Variants in AP3B1 observed in about 807,000 individuals in gnomAD.
The protein encoded by AP3B1 is adaptor related protein complex 3 subunit beta 1, also known as AP-3 complex subunit beta-1.
AP3B1 carries 61 observed loss-of-function variants against 132.5 expected under a neutral mutation model. The ratio of observed to expected loss-of-function variants is 0.46; its 90% CI spans 0.37 to 0.57. The LOEUF is 0.57. Ranked by LOEUF, AP3B1 falls within the 20% of genes least tolerant of loss-of-function variation. The pLI is 0.00. For synonymous variants in AP3B1, 388 were observed against 438.3 expected (o/e 0.89, Z 1.43); for missense variants, 1,120 against 1,289.4 (o/e 0.87, Z 2.01).
At chr5:78,198,738 T>C (rs1745170767) in intron 7 of AP3B1, among the ~76,000 whole-genome samples, 1 of 152,180 alleles carries the variant, frequency 6.6e-6, no homozygotes, top group Admixed American at 6.6e-5. Flanking sequence ...TCTCTGACAT[T>C]AGGTTAGATG....
chr5:78,060,789 C>A (rs973039475), intron 22 of AP3B1, among the ~76,000 whole-genome samples: 36 of 152,022 alleles, frequency 2.4e-4, no homozygotes, highest in African/African-American at 8.2e-4. Context: ...AAAAATCTTT[C>A]ATCACAAGTA....
intron 21 of AP3B1, among the ~76,000 whole-genome samples, chr5:78,097,915 T>C (rs975552866): frequency 6.6e-6 from 1 of 152,124 alleles, no homozygotes; most frequent in African/African-American, 2.4e-5. Flanking sequence ...TGGGAGACTT[T>C]TCATTTTGTT....
intron 22 of AP3B1, among the ~76,000 whole-genome samples, chr5:78,077,015 C>T (rs534591291): frequency 4.6e-5 from 7 of 152,164 alleles, no homozygotes; most frequent in South Asian, 2.1e-4. Context: ...TTGGGAAATC[C>T]GTAAAGTTAC....
intron 1 of AP3B1, among the ~76,000 whole-genome samples, chr5:78,268,420 G>A (rs1055021581): frequency 3.3e-5 from 5 of 152,004 alleles, no homozygotes; most frequent in East Asian, 1.9e-4. Context: ...AAAAGAATTC[G>A]ATAGGAACTA....
chr5:78,060,817 T>C (rs1749017690), intron 22 of AP3B1, among the ~76,000 whole-genome samples: 1 of 152,076 alleles, frequency 6.6e-6, no homozygotes, highest in Non-Finnish European at 1.5e-5. Context: ...CCCTAAAGTT[T>C]TACTAGAAAG....
At chr5:78,118,567 T>C (rs761187411) in intron 17 of AP3B1, among the ~76,000 whole-genome samples, 66 of 152,308 alleles carry the variant, frequency 4.3e-4, no homozygotes, top group Non-Finnish European at 7.3e-4. Flanking sequence ...CACGGAGTCT[T>C]GCTGATTGCT....
At chr5:78,214,337 A>C (rs1245418480) in intron 7 of AP3B1, among the ~76,000 whole-genome samples, 1 of 152,334 alleles carries the variant, frequency 6.6e-6, no homozygotes, top group East Asian at 1.9e-4. Context: ...AATGGCTTTA[A>C]AAATAAATTT....
intron 1 of AP3B1, among the ~76,000 whole-genome samples, chr5:78,292,820 C>T (rs1369815780): frequency 7.0e-6 from 1 of 142,492 alleles, no homozygotes; most frequent in Non-Finnish European, 1.6e-5. Context: ...AGAGTCAAAG[C>T]CGTAAGTTTT....
At chr5:78,136,357 T>C (rs1170012073) in intron 15 of AP3B1, among the ~76,000 whole-genome samples, 1 of 152,202 alleles carries the variant, frequency 6.6e-6, no homozygotes, top group South Asian at 2.1e-4. Context: ...TTGTTCCAAC[T>C]CAGTTGGCAT....
At chr5:78,127,852 A>T (rs1322332826) in intron 17 of AP3B1, among the ~76,000 whole-genome samples, 178 bp downstream of exon 17, 1 of 152,198 alleles carries the variant, frequency 6.6e-6, no homozygotes, top group Non-Finnish European at 1.5e-5. Flanking sequence ...GTACAATGGC[A>T]TAGGAATACT....
At chr5:78,115,801 C>T (rs978058843) in intron 18 of AP3B1, among the ~76,000 whole-genome samples, 1 of 152,110 alleles carries the variant, frequency 6.6e-6, no homozygotes, top group South Asian at 2.1e-4. Flanking sequence ...AAAGACCCCA[C>T]TAAAAGTTCA....
At chr5:78,249,726 G>A (rs1311322282) in intron 2 of AP3B1, among the ~76,000 whole-genome samples, 1 of 151,850 alleles carries the variant, frequency 6.6e-6, no homozygotes, top group Non-Finnish European at 1.5e-5. Flanking sequence ...TGGGACCACA[G>A]GCACCCTCCA....
chr5:78,040,836 A>C (rs1748049083), intron 22 of AP3B1, among the ~76,000 whole-genome samples: 1 of 152,192 alleles, frequency 6.6e-6, no homozygotes, highest in Non-Finnish European at 1.5e-5. Context: ...CAAACGTAGC[A>C]ATTATAGTAA....
chr5:78,205,584 T>A (rs1243973712), intron 7 of AP3B1, among the ~76,000 whole-genome samples: 1 of 152,022 alleles, frequency 6.6e-6, no homozygotes, highest in Non-Finnish European at 1.5e-5. Flanking sequence ...CTCCACTGGG[T>A]TGAGGAAGGC....
At chr5:78,277,287 T>C (rs1238193743) in intron 1 of AP3B1, among the ~76,000 whole-genome samples, 3 of 152,196 alleles carry the variant, frequency 2.0e-5, no homozygotes, top group Non-Finnish European at 4.4e-5. Context: ...ATCCATTATA[T>C]GCCAGAAGCT....
At chr5:78,165,188 A>C (rs1743561090) in intron 12 of AP3B1, among the ~76,000 whole-genome samples, 1 of 152,192 alleles carries the variant, frequency 6.6e-6, no homozygotes. Flanking sequence ...TTATGAAACA[A>C]ATTTTTTTGA....
At chr5:78,076,633 C>T (rs1301052225) in intron 22 of AP3B1, among the ~76,000 whole-genome samples, 2 of 152,170 alleles carry the variant, frequency 1.3e-5, no homozygotes, top group African/African-American at 2.4e-5. Flanking sequence ...GGGCGTTGAG[C>T]TACTTAATAT....
At position 78,002,595 on chromosome 5, in the gene AP3B1, T is replaced by G; in HGVS notation, c.*307A>C. 1 of 574,044 alleles carries G rather than the reference T, an allele frequency of 1.7e-6. No individual in the cohort carries two copies. 35.6% of individuals were successfully genotyped at this position (574,044 alleles called of 1,614,324 possible). On this transcript the variant is annotated 3_prime_UTR_variant, in exon 27 of 27. Transcript: ENST00000255194. ...AATATCTCATTCATGTCTACCATTG[T>G]CGAAAAAGAGAAGGAAAACGAGGAG... is the stretch of plus-strand genomic sequence containing the variant.
Position 78,141,298 on chromosome 5 carries a change from T to C in AP3B1, c.1495A>G (p.Ile499Val), listed in dbSNP as rs767232602. The C allele has an allele frequency of 6.2e-6, 10 of 1,613,466 alleles. No homozygotes were observed. The highest frequency in any genetic ancestry group is 1.6e-4 in the Middle Eastern group (1 of 6,080). ...SITVPVARAS[I>V]LWLIGENCER... ...CAGTTTTCTCCAATTAGCCAAAGAA[T>C]ACTTGCTCTAGCAACAGGAACCTAA... is the stretch of plus-strand genomic sequence containing the variant. The change falls in exon 15 of 27, where the codon ATT becomes GTT. Residue 499 changes from isoleucine to valine, a missense_variant. Physicochemically the swap from Ile to Val is conservative, Grantham distance 29. This residue lies in a region of AP3B1 where 906 missense variants were observed against 997.1 expected (regional missense o/e 0.91). Transcript: ENST00000255194.
Sources: gnomAD v4.1 joint callset for allele counts (sites outside exome capture counted in the v4.1 genomes callset) on GRCh38, gnomAD v4.1.1 for gene constraint, gnomAD v4.1.1 regional missense constraint, MANE v1.5 for transcripts, NCBI Gene and HGNC (gene_info 2026-07-23, HGNC 2026-07-21) for gene names.